Variants in ADGRA3 observed in about 807,000 individuals in gnomAD.
ADGRA3 encodes G-protein coupled receptor 125.
In ADGRA3, 56 loss-of-function variants were observed where a neutral mutation model predicts 119.8. That is an observed-to-expected ratio of 0.47 (90% CI 0.38 to 0.58). The LOEUF (loss-of-function observed/expected upper bound fraction) is 0.58, where lower values mean the gene tolerates loss of function less well. Among genes scored for constraint, ADGRA3 ranks in the 20% least tolerant of loss-of-function variants. ADGRA3 has a pLI of 0.00. For synonymous variants in ADGRA3, 607 were observed against 623.8 expected, an observed-to-expected ratio of 0.97 and a Z score of 0.40; for missense variants, 1,516 against 1,649.0, an observed-to-expected ratio of 0.92 and a Z score of 1.40.
At chr4:22,460,879 C>T (rs1328060344) in intron 3 of ADGRA3, among the ~76,000 whole-genome samples, 1 of 152,178 alleles carries the variant, frequency 6.6e-6, no homozygotes, top group Non-Finnish European at 1.5e-5. Flanking sequence ...GCTCAGTAAA[C>T]GCTTTCAGAA....
chr4:22,390,143 A>G (rs948240305), intron 17 of ADGRA3, among the ~76,000 whole-genome samples: 3 of 151,672 alleles, frequency 2.0e-5, no homozygotes, highest in Non-Finnish European at 4.4e-5. Flanking sequence ...CTGCTGTACT[A>G]ATTCACATCT....
At chr4:22,455,372 T>C (rs575161885) in intron 3 of ADGRA3, among the ~76,000 whole-genome samples, 107 of 152,290 alleles carry the variant, frequency 7.0e-4, no homozygotes, top group African/African-American at 2.6e-3. Flanking sequence ...ATTACAATGA[T>C]GGAACTTTCA....
intron 17 of ADGRA3, among the ~76,000 whole-genome samples, chr4:22,392,050 C>T (rs1714155133): frequency 6.6e-6 from 1 of 152,210 alleles, no homozygotes; most frequent in South Asian, 2.1e-4. Context: ...ACATATCAGG[C>T]ATTCAACAAG....
chr4:22,451,406 G>A (rs183177937), intron 4 of ADGRA3, among the ~76,000 whole-genome samples: 24 of 152,106 alleles, frequency 1.6e-4, no homozygotes, highest in South Asian at 6.2e-4. Context: ...TTGGCTCCCC[G>A]TTTGGTCTGC....
chr4:22,439,858 C>T (rs1380546240), intron 7 of ADGRA3, among the ~76,000 whole-genome samples: 1 of 152,004 alleles, frequency 6.6e-6, no homozygotes, highest in Non-Finnish European at 1.5e-5. Context: ...GGTGCCCCAC[C>T]CCAGCTCAAA....
chr4:22,470,845 C>A (rs1197100238), intron 2 of ADGRA3, among the ~76,000 whole-genome samples: 2 of 152,148 alleles, frequency 1.3e-5, no homozygotes, highest in Non-Finnish European at 2.9e-5. Context: ...GAAGACGTTA[C>A]CACTGAGGTA....
chr4:22,504,325 T>A (rs1344376973), intron 1 of ADGRA3, among the ~76,000 whole-genome samples: 1 of 152,162 alleles, frequency 6.6e-6, no homozygotes, highest in Non-Finnish European at 1.5e-5. Context: ...GATGAGGCGC[T>A]AAAAGAAACT....
chr4:22,477,685 C>T (rs146829652), intron 1 of ADGRA3: 10 of 152,100 alleles, frequency 6.6e-5, no homozygotes, highest in South Asian at 4.1e-4. Flanking sequence ...AGCTTTAGTA[C>T]GAGAAATGAT....
chr4:22,497,976 C>T (rs1718902567), intron 1 of ADGRA3, among the ~76,000 whole-genome samples: 2 of 149,652 alleles, frequency 1.3e-5, no homozygotes, highest in Non-Finnish European at 3.0e-5. Context: ...GACAGTGGCT[C>T]ACAGCTGTAA....
chr4:22,489,408 C>T (rs1202795064), intron 1 of ADGRA3, among the ~76,000 whole-genome samples: 1 of 152,100 alleles, frequency 6.6e-6, no homozygotes, highest in Non-Finnish European at 1.5e-5. Flanking sequence ...ATGATGGTTA[C>T]ACCACAGGCA....
chr4:22,389,017 C>T, intron 18 of ADGRA3, 70 bp from the exon 19 acceptor site: 1 of 1,597,052 alleles, frequency 6.3e-7, no homozygotes, highest in South Asian at 1.1e-5. Flanking sequence ...ATTGCAATCA[C>T]CTGTAATGCC....
intron 10 of ADGRA3, among the ~76,000 whole-genome samples, chr4:22,434,175 C>CAT (rs56892943): frequency 0.21 from 30,472 of 147,022 alleles, 3,390 homozygotes; most frequent in African/African-American, 0.29. Context: ...ATGTAATATA[C>CAT]ATTAGATATA....
At chr4:22,485,000 T>C (rs556158287) in intron 1 of ADGRA3, among the ~76,000 whole-genome samples, 1 of 152,304 alleles carries the variant, frequency 6.6e-6, no homozygotes, top group South Asian at 2.1e-4. Flanking sequence ...GAATAAATCC[T>C]CTGCTTAATT....
intron 10 of ADGRA3, among the ~76,000 whole-genome samples, chr4:22,426,840 T>C (rs1715957685): frequency 6.6e-6 from 1 of 152,202 alleles, no homozygotes; most frequent in Non-Finnish European, 1.5e-5. Flanking sequence ...CATTTTTTTA[T>C]GATTCATTGG....
chr4:22,401,483 A>T lies in ADGRA3; in HGVS notation c.2429T>A (p.Val810Glu). The T allele has an allele frequency of 6.2e-7, 1 of 1,612,492 alleles. No homozygotes were observed. The highest frequency in any genetic ancestry group is 8.5e-7 in the Non-Finnish European group (1 of 1,179,096). Reference sequence around the variant, plus strand: ...CTGGGTTATTCCTCCCACAAAGACCACACAGGTTAGGAAAATATGAAAGCA... The same window carrying T: ...CTGGGTTATTCCTCCCACAAAGACCTCACAGGTTAGGAAAATATGAAAGCA... ...NLCFHIFLTC[V>E]VFVGGITQTR... The change falls in exon 16 of 19, where the codon GTG (valine) becomes GAG (glutamate). Residue 810 changes from valine to glutamate, a missense_variant. Val to Glu is a moderately radical substitution (Grantham distance 121). This residue lies in a region of ADGRA3 where 1,088 missense variants were observed against 1,107.1 expected (regional missense o/e 0.98). Coordinates refer to ENST00000334304, the MANE Select transcript of ADGRA3 (RefSeq NM_145290.4).
chr4:22,414,038 TTAAA>T (rs763666773), intron 12 of ADGRA3: 1 of 391,626 alleles, frequency 2.6e-6, no homozygotes, highest in Non-Finnish European at 4.5e-6. Context: ...CTTTAAAGAG[TTAAA>T]TAAGTAAACA....
chr4:22,470,498 C>A (rs118129774), intron 2 of ADGRA3, among the ~76,000 whole-genome samples: 1 of 152,170 alleles, frequency 6.6e-6, no homozygotes, highest in Non-Finnish European at 1.5e-5. Flanking sequence ...AAAATCCTAA[C>A]CTTTATTCTG....
intron 1 of ADGRA3, among the ~76,000 whole-genome samples, chr4:22,490,153 C>A (rs1718572446): frequency 6.6e-6 from 1 of 152,134 alleles, no homozygotes; most frequent in Non-Finnish European, 1.5e-5. Context: ...TAGCATTAAA[C>A]TGTAAGTTTA....
intron 2 of ADGRA3, among the ~76,000 whole-genome samples, chr4:22,462,364 A>T (rs1369683132): frequency 3.9e-5 from 6 of 152,000 alleles, no homozygotes; most frequent in Non-Finnish European, 8.8e-5. Context: ...CCCAGGCTGG[A>T]GTGCAGTGGC....
Sources: allele counts gnomAD v4.1 joint callset (sites outside exome capture counted in the v4.1 genomes callset), GRCh38; gene constraint gnomAD v4.1.1; regional missense constraint gnomAD v4.1.1; transcripts MANE v1.5; gene names NCBI Gene and HGNC (gene_info 2026-07-23, HGNC 2026-07-21).